The following NNT variants were observed in gnomAD, a reference collection of about 807,000 sequenced individuals.
The protein encoded by NNT is NAD(P) transhydrogenase, mitochondrial.
A neutral mutation model predicts 104.8 loss-of-function variants in NNT; 50 were observed. The ratio of observed to expected loss-of-function variants is 0.48; its 90% CI spans 0.38 to 0.60. The LOEUF (loss-of-function observed/expected upper bound fraction) is 0.60, where lower values mean the gene tolerates loss of function less well. Ranked by LOEUF, NNT falls within the 20% of genes least tolerant of loss-of-function variation. The probability of loss-of-function intolerance (pLI) is 0.00; values close to 1 mark genes in which losing one functional copy is unlikely to be tolerated. For synonymous variants in NNT, 461 were observed against 490.4 expected (o/e 0.94, Z 0.79); for missense variants, 1,131 against 1,330.7 (o/e 0.85, Z 2.33).
intron 10 of NNT, among the ~76,000 whole-genome samples, chr5:43,647,190 G>T (rs1174858628): frequency 3.3e-5 from 5 of 152,128 alleles, no homozygotes; most frequent in Admixed American, 3.3e-4. Flanking sequence ...GTAAGTCTCA[G>T]CAAAATGACT....
At position 43,653,203 on chromosome 5, in the gene NNT, T is replaced by A. The variant is rs768016303; in HGVS notation, c.2049T>A (p.Gly683=). Residue 683 remains glycine (G), a synonymous_variant, in exon 14 of 22, where the codon GGT becomes GGA. Coordinates refer to ENST00000344920, the MANE Select transcript of NNT (RefSeq NM_182977.3). ...AGATGTCTGGAGCGATGGCTTTGGGTGGTACCATTGGTAAGCACTTGTGGG... is the reference window on the plus strand; with the variant it reads ...AGATGTCTGGAGCGATGGCTTTGGGAGGTACCATTGGTAAGCACTTGTGGG... The part of the protein sequence containing the change: ...LAQMSGAMAL[G]GTIGLTIAKR... 1.9e-6 allele frequency: 3 copies of A among 1,612,976 alleles called. No individual in the cohort carries two copies. In the African/African-American group the frequency reaches 4.0e-5, roughly 22 times the overall value.
intron 5 of NNT, among the ~76,000 whole-genome samples, chr5:43,620,636 GAAAAA>G (rs1750037182): frequency 6.6e-6 from 1 of 151,372 alleles, no homozygotes; most frequent in African/African-American, 2.5e-5. Flanking sequence ...ATATTGTTTT[GAAAAA>G]CAGGCCAGGT....
At chr5:43,691,382 G>A (rs1028119448) in intron 19 of NNT, among the ~76,000 whole-genome samples, 10 of 152,164 alleles carry the variant, frequency 6.6e-5, no homozygotes, top group African/African-American at 2.2e-4. Context: ...CGGATTACAG[G>A]TGTGAGCCAC....
chr5:43,628,477 AT>A (rs1750487339), intron 7 of NNT, 90 bp downstream of exon 7: 2 of 1,034,538 alleles, frequency 1.9e-6, no homozygotes, highest in Non-Finnish European at 2.7e-6. Context: ...TAACATTTGA[AT>A]TTCTTTAAGG....
intron 1 of NNT, among the ~76,000 whole-genome samples, chr5:43,605,548 A>AG (rs1749173584): frequency 6.6e-6 from 1 of 151,212 alleles, no homozygotes; most frequent in East Asian, 1.9e-4. Flanking sequence ...AAAAAAAAAA[A>AG]AAAGTTGTGC....
intron 1 of NNT, among the ~76,000 whole-genome samples, chr5:43,606,962 T>C (rs1749255533): frequency 6.6e-6 from 1 of 151,082 alleles, no homozygotes; most frequent in Admixed American, 6.6e-5. Flanking sequence ...CAAGGAGTTG[T>C]GGCAGCAGGT....
chr5:43,660,433 C>CT (rs35407725), intron 17 of NNT, among the ~76,000 whole-genome samples: 5 of 151,356 alleles, frequency 3.3e-5, no homozygotes, highest in East Asian at 1.9e-4. Context: ...TTGAGTAGAA[C>CT]TTTTTTTTTC....
intron 7 of NNT, among the ~76,000 whole-genome samples, chr5:43,629,310 C>T (rs1750550974): frequency 6.6e-6 from 1 of 152,050 alleles, no homozygotes; most frequent in Admixed American, 6.6e-5. Flanking sequence ...TATTTTGTTC[C>T]TTTTTGTGGC....
intron 2 of NNT, among the ~76,000 whole-genome samples, chr5:43,611,659 C>A (rs1749506034): frequency 6.6e-6 from 1 of 152,140 alleles, no homozygotes; most frequent in African/African-American, 2.4e-5. Flanking sequence ...AAATTCAGGT[C>A]TAGGTTGACT....
intron 7 of NNT, among the ~76,000 whole-genome samples, chr5:43,628,957 T>TA (rs1374618701): frequency 6.6e-6 from 1 of 151,574 alleles, no homozygotes; most frequent in Non-Finnish European, 1.5e-5. Flanking sequence ...TTCCGAAGAA[T>TA]AAAACGCCAT....
chr5:43,675,727 TA>T (rs1741381650), intron 18 of NNT, 57 bp downstream of exon 18: 1 of 1,249,976 alleles, frequency 8.0e-7, no homozygotes, highest in Non-Finnish European at 1.0e-6. Flanking sequence ...TTGATGACAT[TA>T]AAATTTCTTA....
intron 1 of NNT, among the ~76,000 whole-genome samples, chr5:43,603,502 C>G (rs1180083115): frequency 1.3e-5 from 2 of 152,138 alleles, no homozygotes; most frequent in African/African-American, 4.8e-5. Context: ...GGAAGAAGCA[C>G]CGTGCCTCTT....
intron 17 of NNT, among the ~76,000 whole-genome samples, chr5:43,672,476 T>A (rs1741163947): frequency 6.6e-6 from 1 of 152,266 alleles, no homozygotes; most frequent in Non-Finnish European, 1.5e-5. Flanking sequence ...GTGGATGTCC[T>A]TTCTGTTTGT....
chr5:43,658,874 G>T (rs1399613977), intron 16 of NNT, among the ~76,000 whole-genome samples: 1 of 152,134 alleles, frequency 6.6e-6, no homozygotes, highest in African/African-American at 2.4e-5. Flanking sequence ...AATTCACTTA[G>T]TGTCATTGTA....
Position 43,615,948 on chromosome 5 carries a change from C to A in NNT, c.482C>A (p.Pro161Gln), listed in dbSNP as rs1749762998. 1 of 1,613,996 alleles carries A rather than the reference C, an allele frequency of 6.2e-7. No homozygotes were observed. The change falls in exon 4 of 22, where the codon CCA becomes CAA. Residue 161 changes from proline to glutamine, a missense_variant. Transcript: ENST00000344920. ...LISFIYPAQN[P>Q]ELLNKLSQRK... is the part of the protein sequence containing the mutation. ...AGTTTTATTTACCCAGCCCAAAATC[C>A]AGAGTTGCTAAATAAACTTTCCCAA...
chr5:43,628,753 A>G (rs1034960584), intron 7 of NNT, among the ~76,000 whole-genome samples: 2 of 151,958 alleles, frequency 1.3e-5, no homozygotes, highest in African/African-American at 4.8e-5. Flanking sequence ...CGTCTGGTTA[A>G]TCTTTATGTT....
chr5:43,655,310 G>T (rs1739982316), intron 14 of NNT, among the ~76,000 whole-genome samples: 1 of 152,160 alleles, frequency 6.6e-6, no homozygotes, highest in African/African-American at 2.4e-5. Context: ...GTGCTTAGGT[G>T]TGTGGAGAAA....
intron 21 of NNT, among the ~76,000 whole-genome samples, chr5:43,703,363 A>G (rs1742957066): frequency 6.6e-6 from 1 of 152,178 alleles, no homozygotes; most frequent in Non-Finnish European, 1.5e-5. Flanking sequence ...CATAATGTAC[A>G]TTTCCATTTA....
At chr5:43,634,134 C>T (rs1750818724) in intron 7 of NNT, among the ~76,000 whole-genome samples, 1 of 151,974 alleles carries the variant, frequency 6.6e-6, no homozygotes, top group African/African-American at 2.4e-5. Flanking sequence ...TAAAATACAC[C>T]CCTCAAAGGA....
Sources: gnomAD v4.1 joint callset for allele counts (sites outside exome capture counted in the v4.1 genomes callset) on GRCh38, gnomAD v4.1.1 for gene constraint, MANE v1.5 for transcripts, NCBI Gene and HGNC (gene_info 2026-07-23, HGNC 2026-07-21) for gene names.